GPC6: variants seen among roughly 807,000 people sequenced by gnomAD.
The protein encoded by GPC6 is glypican-6.
GPC6 carries 14 observed loss-of-function variants against 55.2 expected under a neutral mutation model. That is an observed-to-expected ratio of 0.25 (90% CI 0.17 to 0.40). GPC6 has a LOEUF of 0.40. GPC6 is among the 10% of genes least tolerant of loss of function. The probability of loss-of-function intolerance (pLI) is 1.00; values close to 1 mark genes in which losing one functional copy is unlikely to be tolerated. For synonymous variants in GPC6, 278 were observed against 259.6 expected, an observed-to-expected ratio of 1.07 and a Z score of -0.68; for missense variants, 641 against 708.5, an observed-to-expected ratio of 0.90 and a Z score of 1.08.
chr13:94,400,325 A>T, intron 8 of GPC6, among the ~76,000 whole-genome samples: 1 of 152,008 alleles, frequency 6.6e-6, no homozygotes, highest in East Asian at 1.9e-4. Context: ...TGGGGCCATT[A>T]TTTTTTCCAG....
intron 1 of GPC6, among the ~76,000 whole-genome samples, chr13:93,515,478 G>A (rs1207772085): frequency 6.6e-6 from 1 of 152,116 alleles, no homozygotes; most frequent in Non-Finnish European, 1.5e-5. Flanking sequence ...TTTGGAGATG[G>A]ATTGGAGCTT....
At chr13:93,779,306 A>G (rs889935850) in intron 2 of GPC6, among the ~76,000 whole-genome samples, 1 of 152,200 alleles carries the variant, frequency 6.6e-6, no homozygotes, top group Admixed American at 6.5e-5. Context: ...TTTTTGTATA[A>G]GAAAAATAAT....
At chr13:94,071,795 T>G (rs1209162156) in intron 4 of GPC6, among the ~76,000 whole-genome samples, 1 of 152,226 alleles carries the variant, frequency 6.6e-6, no homozygotes, top group Non-Finnish European at 1.5e-5. Flanking sequence ...TTTTTTGTTG[T>G]GCAGCCACAA....
intron 1 of GPC6, among the ~76,000 whole-genome samples, chr13:93,308,238 T>C (rs994708828): frequency 7.2e-5 from 11 of 152,120 alleles, no homozygotes; most frequent in African/African-American, 2.7e-4. Flanking sequence ...TGAGCCGAGA[T>C]TGCGCTACTG....
At chr13:94,237,641 T>G (rs1420658996) in intron 4 of GPC6, among the ~76,000 whole-genome samples, 1 of 151,968 alleles carries the variant, frequency 6.6e-6, no homozygotes, top group Admixed American at 6.6e-5. Context: ...GAGGCCCCAA[T>G]GTGGGGGCAA....
At chr13:93,741,576 A>G (rs1289285440) in intron 2 of GPC6, among the ~76,000 whole-genome samples, 1 of 152,186 alleles carries the variant, frequency 6.6e-6, no homozygotes, top group Non-Finnish European at 1.5e-5. Context: ...GCTCTTCCTT[A>G]GACGTAATAT....
intron 2 of GPC6, among the ~76,000 whole-genome samples, chr13:93,605,703 A>C (rs893325706): frequency 2.0e-5 from 3 of 151,604 alleles, no homozygotes. Context: ...AAAGCCAGTC[A>C]TGATGGCGGG....
At chr13:94,271,373 C>CGT (rs1566618052) in intron 4 of GPC6, among the ~76,000 whole-genome samples, 3 of 109,708 alleles carry the variant, frequency 2.7e-5, no homozygotes, top group Admixed American at 7.9e-5. Context: ...CACACGCGCG[C>CGT]GCGCGCGCGC....
intron 1 of GPC6, among the ~76,000 whole-genome samples, chr13:93,482,111 C>T (rs563504754): frequency 1.1e-4 from 16 of 152,174 alleles, no homozygotes; most frequent in South Asian, 1.0e-3. Flanking sequence ...TTTCAGCGTA[C>T]GCCTCTTACA....
chr13:93,243,668 G>C (rs1876509399), intron 1 of GPC6, among the ~76,000 whole-genome samples: 1 of 152,168 alleles, frequency 6.6e-6, no homozygotes, highest in Non-Finnish European at 1.5e-5. Flanking sequence ...TGGTTTGGTG[G>C]CTTTCTCACT....
intron 4 of GPC6, among the ~76,000 whole-genome samples, chr13:94,225,876 G>C (rs1890541599): frequency 6.6e-6 from 1 of 151,980 alleles, no homozygotes; most frequent in African/African-American, 2.4e-5. Flanking sequence ...CATAAGAATT[G>C]GCTGTATTTG....
chr13:93,774,884 G>A (rs1009672956), intron 2 of GPC6, among the ~76,000 whole-genome samples: 1 of 152,124 alleles, frequency 6.6e-6, no homozygotes, highest in South Asian at 2.1e-4. Flanking sequence ...GGCATGAGGA[G>A]TGGGGCTTCA....
chr13:93,329,747 C>G (rs1879775996), intron 1 of GPC6, among the ~76,000 whole-genome samples: 1 of 151,972 alleles, frequency 6.6e-6, no homozygotes, highest in African/African-American at 2.4e-5. Flanking sequence ...GAAATGAGTT[C>G]CCTAGTGTTA....
chr13:93,650,506 A>T (rs1289535663), intron 2 of GPC6, among the ~76,000 whole-genome samples: 2 of 152,110 alleles, frequency 1.3e-5, no homozygotes, highest in Non-Finnish European at 2.9e-5. Context: ...CTGAAAAAAA[A>T]TACTGCCTTT....
intron 4 of GPC6, among the ~76,000 whole-genome samples, chr13:94,152,741 G>C (rs985179867): frequency 1.3e-5 from 2 of 151,990 alleles, no homozygotes; most frequent in African/African-American, 4.8e-5. Flanking sequence ...GTATCAATCT[G>C]ATTACCTAAG....
chr13:93,606,056 G>A (rs1652150762), intron 2 of GPC6, among the ~76,000 whole-genome samples: 1 of 151,970 alleles, frequency 6.6e-6, no homozygotes, highest in Admixed American at 6.6e-5. Flanking sequence ...ACATATATAA[G>A]CACCCAGTAA....
At chr13:93,967,159 G>A (rs1219015864) in intron 3 of GPC6, among the ~76,000 whole-genome samples, 3 of 152,104 alleles carry the variant, frequency 2.0e-5, no homozygotes, top group African/African-American at 7.2e-5. Flanking sequence ...TTTCATTTAC[G>A]CAAGCATTTG....
At chr13:93,402,152 A>G (rs557016329) in intron 1 of GPC6, among the ~76,000 whole-genome samples, 1 of 152,124 alleles carries the variant, frequency 6.6e-6, no homozygotes, top group Non-Finnish European at 1.5e-5. Context: ...GGGATTTTTT[A>G]ACAACTTGTG....
At position 93,347,322 on chromosome 13, in the gene GPC6, A is replaced by T. The variant is rs77609993; in HGVS notation, c.160+119706A>T. Among the ~76,000 whole-genome samples, 3 of 152,256 alleles carry T rather than the reference A, an allele frequency of 2.0e-5. No homozygotes were observed. The East Asian group carries it at 5.8e-4, about 29-fold the overall frequency. On this transcript the variant is annotated intron_variant, in intron 1 of 8. Transcript: ENST00000377047. The stretch of plus-strand genomic sequence containing the variant: ...ATGTCTTCATGCTTGACCATCTTCA[A>T]GTTTTGTGGTGAGATTTTTTTAAGT...
Sources: allele counts gnomAD v4.1 joint callset (sites outside exome capture counted in the v4.1 genomes callset), GRCh38; gene constraint gnomAD v4.1.1; transcripts MANE v1.5; gene names NCBI Gene and HGNC (gene_info 2026-07-23, HGNC 2026-07-21).